SEMA4F: variants seen among roughly 807,000 people sequenced by gnomAD.
SEMA4F encodes semaphorin-4F.
SEMA4F carries 51 observed loss-of-function variants against 78.4 expected under a neutral mutation model. The observed-to-expected ratio is 0.65, with a 90% CI of 0.52 to 0.82. SEMA4F has a LOEUF of 0.82. SEMA4F is among the 40% of genes least tolerant of loss of function. The pLI, the probability that SEMA4F is intolerant of heterozygous loss-of-function variation, is 0.00. For missense variants in SEMA4F, 938 were observed against 1,014.4 expected, an observed-to-expected ratio of 0.92 and a Z score of 1.02; for synonymous variants, 418 against 408.7, an observed-to-expected ratio of 1.02 and a Z score of -0.27.
At chr2:74,686,061 C>A (rs752380160), downstream of SEMA4F, among the ~76,000 whole-genome samples, 1 of 151,896 alleles carries the variant, frequency 6.6e-6, no homozygotes, top group African/African-American at 2.4e-5. Flanking sequence ...CAGGAAACAA[C>A]AGATGCTGGA....
intron 5 of SEMA4F, among the ~76,000 whole-genome samples, chr2:74,670,555 C>T (rs1237459495): frequency 6.6e-6 from 1 of 152,224 alleles, no homozygotes; most frequent in Non-Finnish European, 1.5e-5. Flanking sequence ...GCATGGTTAT[C>T]TGTGGTCCTT....
Position 74,673,771 on chromosome 2 carries a change from C to T in SEMA4F, c.765C>T (p.Ser255=). 1 of 1,614,206 alleles carries T rather than the reference C, an allele frequency of 6.2e-7. No individual in the cohort carries two copies. The highest frequency in any genetic ancestry group is 1.1e-5 in the South Asian group (1 of 91,088). Residue 255 remains serine (S), a synonymous_variant, in exon 7 of 14, where the codon TCC becomes TCT. Transcript: ENST00000357877. ...TCTACTTCTTCTTTACGGAGACTTC[C>T]CGAGCATTTGACTCATACGAGCGCA... is the stretch of plus-strand genomic sequence containing the variant. The part of the protein sequence containing the change: ...DEIYFFFTET[S]RAFDSYERIK...
At chr2:74,693,726 G>A in the SEMA4F span, among the ~76,000 whole-genome samples, 1 of 152,140 alleles carries the variant, frequency 6.6e-6, no homozygotes, top group East Asian at 1.9e-4. Context: ...TATAACCTGT[G>A]CTATACCTGC....
the SEMA4F span, among the ~76,000 whole-genome samples, chr2:74,700,044 G>C: frequency 2.0e-5 from 3 of 152,268 alleles, no homozygotes; most frequent in East Asian, 5.8e-4. Flanking sequence ...AAGATATGAG[G>C]AGAGTGGGTG....
At chr2:74,657,523 G>A in intron 2 of SEMA4F, 42 bp from the exon 3 acceptor site, 1 of 1,594,950 alleles carries the variant, frequency 6.3e-7, no homozygotes, top group Non-Finnish European at 8.6e-7. Context: ...GGAGTTTGAT[G>A]TTAGGGGAAT....
chr2:74,674,992 T>C lies in SEMA4F; in HGVS notation c.1106T>C (p.Leu369Pro), dbSNP rs776442238. ...CTAAAACATGACTGCAACAGAGGAC[T>C]GCCTGTCGTGGACAATGATGTGCCC... ...RELKHDCNRG[L>P]PVVDNDVPQP... is the part of the protein sequence containing the mutation. The change falls in exon 9 of 14, where the codon CTG (leucine) becomes CCG (proline). Residue 369 changes from leucine to proline, a missense_variant. By Grantham distance (98) the Leu-to-Pro change is moderately conservative (BLOSUM62 -3). Transcript: ENST00000357877. 12 of 1,613,858 alleles carry C rather than the reference T, an allele frequency of 7.4e-6. No individual in the cohort carries two copies. In the Admixed American group the frequency reaches 1.2e-4, roughly 16 times the overall value.
chr2:74,661,969 T>A (rs1372277559), intron 4 of SEMA4F, among the ~76,000 whole-genome samples: 2 of 152,208 alleles, frequency 1.3e-5, no homozygotes, highest in Non-Finnish European at 2.9e-5. Context: ...TGTTTTTAGA[T>A]GTTATCTTGA....
intron 5 of SEMA4F, among the ~76,000 whole-genome samples, chr2:74,671,566 G>A (rs1376910486): frequency 1.3e-5 from 2 of 152,170 alleles, no homozygotes; most frequent in African/African-American, 2.4e-5. Context: ...GCTCTCTTCT[G>A]GCTTTACCTT....
chr2:74,690,449 A>G, the SEMA4F span, among the ~76,000 whole-genome samples: 2 of 152,194 alleles, frequency 1.3e-5, no homozygotes, highest in South Asian at 2.1e-4. Context: ...GAATAAGTGA[A>G]GGAAAAAAAT....
chr2:74,655,836 T>C (rs1046736753), intron 1 of SEMA4F, among the ~76,000 whole-genome samples: 2 of 151,872 alleles, frequency 1.3e-5, no homozygotes, highest in Non-Finnish European at 2.9e-5. Flanking sequence ...AATGAATGGG[T>C]TGGTGTCCAG....
At chr2:74,664,924 T>A (rs1425119778) in intron 5 of SEMA4F, among the ~76,000 whole-genome samples, 2 of 152,184 alleles carry the variant, frequency 1.3e-5, no homozygotes, top group Admixed American at 1.3e-4. Flanking sequence ...TCCAAACATA[T>A]AACTCTTTGA....
rs1684295990 is a variant in SEMA4F, at chr2:74,658,963, C to T, written c.456+1012C>T. Among the ~76,000 whole-genome samples, 1 of 152,210 alleles carries T rather than the reference C, an allele frequency of 6.6e-6. No homozygotes were observed. Among genetic ancestry groups the T allele is most frequent in the Non-Finnish European group, 1.5e-5 (1 of 68,034 alleles). ...ACCCCTCTTTGTTACATACCACCCT[C>T]ATATCTCTGGCTTAGGATGCTAATC... On this transcript the variant is annotated intron_variant, in intron 4 of 13. Transcript: ENST00000357877. The surrounding 1 kb of genome is among the most constrained non-coding windows in gnomAD (Gnocchi z 4.3).
intron 7 of SEMA4F, among the ~76,000 whole-genome samples, chr2:74,674,045 G>T (rs1406269391): frequency 1.3e-5 from 2 of 152,226 alleles, no homozygotes; most frequent in Non-Finnish European, 2.9e-5. Flanking sequence ...CAGTGTAGAG[G>T]TTACTGACTA....
intron 4 of SEMA4F, 33 bp from the exon 5 acceptor site, chr2:74,662,699 C>A: frequency 6.4e-7 from 1 of 1,556,756 alleles, no homozygotes; most frequent in Non-Finnish European, 8.9e-7. Flanking sequence ...TTCCCTATGA[C>A]CCCTAAACCA....
chr2:74,675,821 T>C lies in SEMA4F; in HGVS notation c.1555T>C (p.Cys519Arg), dbSNP rs771319105. Residue 519 changes from cysteine to arginine, a missense_variant, in exon 12 of 14, where the codon TGC becomes CGC. Transcript: ENST00000357877. Reference sequence around the variant, plus strand: ...AACCAACTGTGGCCGTCTCCAGAGCTGCTCAGAGTGCATCCTGGCCCAGGA... The same window carrying C: ...AACCAACTGTGGCCGTCTCCAGAGCCGCTCAGAGTGCATCCTGGCCCAGGA... ...NTTNCGRLQS[C>R]SECILAQDPV... The C allele has an allele frequency of 1.2e-6, 2 of 1,614,258 alleles. No individual in the cohort carries two copies.
At chr2:74,699,360 C>T in the SEMA4F span, among the ~76,000 whole-genome samples, 1 of 152,362 alleles carries the variant, frequency 6.6e-6, no homozygotes, top group East Asian at 1.9e-4. Flanking sequence ...CATAATCCAT[C>T]TGAGTCACCT....
the SEMA4F span, among the ~76,000 whole-genome samples, chr2:74,693,047 G>T: frequency 6.6e-6 from 1 of 152,156 alleles, no homozygotes; most frequent in Non-Finnish European, 1.5e-5. Context: ...AATATATTTT[G>T]GTGGATTTCC....
At chr2:74,670,498 T>C (rs1157028966) in intron 5 of SEMA4F, among the ~76,000 whole-genome samples, 2 of 152,236 alleles carry the variant, frequency 1.3e-5, no homozygotes, top group Non-Finnish European at 2.9e-5. Context: ...GACTCCCACA[T>C]TGGTCACTTA....
chr2:74,703,792 G>C, the SEMA4F span, among the ~76,000 whole-genome samples: 2 of 152,120 alleles, frequency 1.3e-5, no homozygotes, highest in Non-Finnish European at 2.9e-5. Flanking sequence ...AATCCAAGGG[G>C]GCCACAGATT....
Sources: gnomAD v4.1 joint callset for allele counts (sites outside exome capture counted in the v4.1 genomes callset) on GRCh38, gnomAD v4.1.1 for gene constraint, Gnocchi (gnomAD v3.1) non-coding constraint, MANE v1.5 for transcripts, NCBI Gene and HGNC (gene_info 2026-07-23, HGNC 2026-07-21) for gene names.